The following AKNAD1 variants were observed in gnomAD, a reference collection of about 807,000 sequenced individuals.
AKNAD1 encodes protein AKNAD1.
A neutral mutation model predicts 90.8 loss-of-function variants in AKNAD1; 67 were observed. That is an observed-to-expected ratio of 0.74 (90% confidence interval 0.61 to 0.90). The LOEUF (loss-of-function observed/expected upper bound fraction) is 0.90, where lower values mean the gene tolerates loss of function less well. Among genes scored for constraint, AKNAD1 ranks in the 40% least tolerant of loss-of-function variants. The pLI, the probability that AKNAD1 is intolerant of heterozygous loss-of-function variation, is 0.00. For synonymous variants in AKNAD1, 327 were observed against 341.4 expected, an observed-to-expected ratio of 0.96 and a Z score of 0.46; for missense variants, 957 against 975.4, an observed-to-expected ratio of 0.98 and a Z score of 0.25.
intron 1 of AKNAD1, among the ~76,000 whole-genome samples, 195 bp from the exon 2 acceptor site, chr1:108,852,962 G>T (rs17621489): frequency 1.3e-5 from 2 of 149,222 alleles, no homozygotes; most frequent in Non-Finnish European, 1.5e-5. Context: ...AAGGAATGGG[G>T]GAAAAAAAAA....
At chr1:108,823,536 C>T (rs373993251) in intron 12 of AKNAD1, 30 bp downstream of exon 12, 47 of 1,612,522 alleles carry the variant, frequency 2.9e-5, no homozygotes, top group East Asian at 1.6e-4. Flanking sequence ...TGTCCCCACT[C>T]GCCTTTCTGA....
At chr1:108,833,308 C>T (rs536246182) in intron 9 of AKNAD1, among the ~76,000 whole-genome samples, 16 of 152,226 alleles carry the variant, frequency 1.1e-4, no homozygotes, top group Non-Finnish European at 1.5e-4. Flanking sequence ...ATGGGCCAGG[C>T]GCAGTGGCTC....
chr1:108,816,897 T>C (rs1472644330), intron 15 of AKNAD1, 151 bp downstream of exon 15: 3 of 849,876 alleles, frequency 3.5e-6, no homozygotes, highest in Non-Finnish European at 5.4e-6. Flanking sequence ...AGGCTGTGTG[T>C]CTTTAGCTTA....
chr1:108,832,198 G>T (rs189510704), intron 9 of AKNAD1, among the ~76,000 whole-genome samples: 3 of 149,626 alleles, frequency 2.0e-5, no homozygotes, highest in African/African-American at 2.5e-5. Context: ...CTATCTGACT[G>T]GTATGCTGTG....
chr1:108,831,990 G>A (rs891509185), intron 9 of AKNAD1, among the ~76,000 whole-genome samples: 1 of 151,976 alleles, frequency 6.6e-6, no homozygotes. Flanking sequence ...TTCTTGGAGG[G>A]TTTCAGTGTT....
chr1:108,839,471 T>TAAAAAAAAAAAAGAAAAAAAAAAAA (rs3044857), intron 6 of AKNAD1, among the ~76,000 whole-genome samples: 1 of 126,166 alleles, frequency 7.9e-6, no homozygotes, highest in African/African-American at 3.4e-5. Flanking sequence ...TCCGTCTCAA[T>TAAAAAAAAAAAAGAAAAAAAAAAAA]AAAAAAAAAA....
intron 1 of AKNAD1, among the ~76,000 whole-genome samples, chr1:108,853,954 A>C (rs1397319956): frequency 2.9e-5 from 4 of 139,364 alleles, no homozygotes; most frequent in Non-Finnish European, 4.7e-5. Context: ...AAAAAAAAAG[A>C]AATGTGACCA....
At chr1:108,852,887 AGC>A in intron 1 of AKNAD1, 120 bp from the exon 2 acceptor site, 9 of 405,482 alleles carry the variant, frequency 2.2e-5, no homozygotes, top group Admixed American at 1.2e-4. Flanking sequence ...GAAGGCAGGA[AGC>A]TCAACCACAA....
intron 14 of AKNAD1, 52 bp from the exon 15 acceptor site, chr1:108,817,229 A>T: frequency 5.0e-6 from 8 of 1,605,096 alleles, no homozygotes; most frequent in Non-Finnish European, 6.8e-6. Flanking sequence ...CCTCAAGCAC[A>T]CTCCTGTTCA....
At chr1:108,835,135 A>G in intron 7 of AKNAD1, 79 bp from the exon 8 acceptor site, 1 of 1,497,700 alleles carries the variant, frequency 6.7e-7, no homozygotes, top group Non-Finnish European at 8.9e-7. Context: ...CAGCATCCCT[A>G]CAGCACCCCT....
chr1:108,817,122 G>A lies in AKNAD1; in HGVS notation c.2305C>T (p.His769Tyr), dbSNP rs1329045914. 1.2e-6 allele frequency: 2 copies of A among 1,614,124 alleles called. No individual in the cohort carries two copies. Among genetic ancestry groups the A allele is most frequent in the Admixed American group, 3.3e-5 (2 of 60,026 alleles). Residue 769 changes from histidine (H) to tyrosine (Y), a missense_variant, in exon 15 of 16, where the codon CAT becomes TAT. His to Tyr is a moderately conservative substitution (Grantham distance 83). Transcript: ENST00000370001. ...YSSDPATPSP[H>Y]FYSCRISGSK... is the part of the protein sequence containing the mutation. ...CCAGAAATCCTGCAGGAGTAGAAAT[G>A]GGGTGAGGGTGTTGCAGGGTCTGAG...
At chr1:108,853,149 T>TTTTTTTTTTTG (rs71306127) in intron 1 of AKNAD1, among the ~76,000 whole-genome samples, 1 of 150,616 alleles carries the variant, frequency 6.6e-6, no homozygotes, top group Non-Finnish European at 1.5e-5. Flanking sequence ...TTTTTTTTTT[T>TTTTTTTTTTTG]GAGACGGAGT....
intron 7 of AKNAD1, 77 bp from the exon 8 acceptor site, chr1:108,835,133 C>G (rs1433385340): frequency 1.0e-5 from 15 of 1,501,980 alleles, no homozygotes; most frequent in African/African-American, 1.5e-5. Context: ...TTCAGCATCC[C>G]TACAGCACCC....
rs1664033917 is a variant in AKNAD1, at chr1:108,827,301, T to A, written c.1840A>T (p.Lys614Ter). 1 of 1,605,940 alleles carries A rather than the reference T, an allele frequency of 6.2e-7. No individual in the cohort carries two copies. Among genetic ancestry groups the A allele is most frequent in the Admixed American group, 1.7e-5 (1 of 59,326 alleles). ...CAFCRRLLEW[K>*]QNVEKKGHGR... is the part of the protein sequence containing the mutation. ...TGGCCCTTTTTCTCCACGTTTTGCTTCCTAAAAAAAGGTGCATAAGATCCT... is the reference window on the plus strand; with the variant it reads ...TGGCCCTTTTTCTCCACGTTTTGCTACCTAAAAAAAGGTGCATAAGATCCT... Residue 614 changes from lysine to a stop codon, truncating the protein, a stop_gained and splice_region_variant, in exon 11 of 16, where the codon AAG becomes TAG. Transcript: ENST00000370001. LOFTEE classifies it high-confidence loss of function.
chr1:108,816,085 T>G lies in AKNAD1; in HGVS notation c.*86A>C. On this transcript the variant is annotated 3_prime_UTR_variant, in exon 16 of 16. Transcript: ENST00000370001. ...TCTCTAGAAAGTCATCTTCCTAAAT[T>G]GTGTAGTAAGTAAAATACATTTTGG... The G allele has an allele frequency of 1.5e-6, 2 of 1,349,562 alleles. No individual in the cohort carries two copies. The highest frequency in any genetic ancestry group is 2.0e-6 in the Non-Finnish European group (2 of 1,024,560). 83.6% of individuals were successfully genotyped at this position (1,349,562 alleles called of 1,614,324 possible). A position where few individuals can be genotyped will look rare whatever the true frequency, so the allele number is the denominator to read the frequency against.
intron 6 of AKNAD1, among the ~76,000 whole-genome samples, chr1:108,839,180 C>T (rs1664462421): frequency 6.6e-6 from 1 of 152,148 alleles, no homozygotes; most frequent in Non-Finnish European, 1.5e-5. Flanking sequence ...TTATTAGACT[C>T]TTCCAGAACA....
intron 10 of AKNAD1, among the ~76,000 whole-genome samples, chr1:108,830,199 C>T (rs1353380507): frequency 2.0e-5 from 3 of 152,138 alleles, no homozygotes; most frequent in Non-Finnish European, 4.4e-5. Context: ...CAGGACCACC[C>T]TCCGTGGGCT....
chr1:108,854,161 G>T (rs1300787943), intron 1 of AKNAD1, among the ~76,000 whole-genome samples: 1 of 152,184 alleles, frequency 6.6e-6, no homozygotes, highest in Non-Finnish European at 1.5e-5. Context: ...AGTAAAACCA[G>T]CTGCCATTTG....
intron 1 of AKNAD1, among the ~76,000 whole-genome samples, chr1:108,855,952 A>G (rs190557781): frequency 4.6e-5 from 7 of 150,936 alleles, no homozygotes; most frequent in Non-Finnish European, 8.9e-5. Flanking sequence ...CCATGGCTCA[A>G]CTGATCTTCC....
Sources: allele counts gnomAD v4.1 joint callset (sites outside exome capture counted in the v4.1 genomes callset), GRCh38; gene constraint gnomAD v4.1.1; transcripts MANE v1.5; gene names NCBI Gene and HGNC (gene_info 2026-07-23, HGNC 2026-07-21).